The following LAMC3 variants were observed in gnomAD, a reference collection of about 807,000 sequenced individuals.
The protein encoded by LAMC3 is laminin subunit gamma 3.
In LAMC3, 128 loss-of-function variants were observed where a neutral mutation model predicts 173.8. That is an observed-to-expected ratio of 0.74 (90% CI 0.64 to 0.85). The LOEUF is 0.85. Ranked by LOEUF, LAMC3 falls within the 40% of genes least tolerant of loss-of-function variation. The pLI, the probability that LAMC3 is intolerant of heterozygous loss-of-function variation, is 0.00. For synonymous variants in LAMC3, 897 were observed against 909.1 expected (o/e 0.99, Z 0.24); for missense variants, 2,022 against 2,156.0 (o/e 0.94, Z 1.23).
intron 1 of LAMC3, chr9:131,021,159 C>T (rs1240974279): frequency 1.3e-5 from 2 of 152,106 alleles, no homozygotes; most frequent in South Asian, 2.1e-4. Flanking sequence ...ATTCTCTCTC[C>T]GTAGTTTTTC....
intron 9 of LAMC3, 77 bp from the exon 10 acceptor site, chr9:131,052,414 C>G (rs1236937370): frequency 7.7e-7 from 1 of 1,290,874 alleles, no homozygotes; most frequent in African/African-American, 1.5e-5. Flanking sequence ...TGTTTAGTTG[C>G]CGATAAAATC....
At chr9:131,061,565 A>G (rs985414806) in intron 13 of LAMC3, among the ~76,000 whole-genome samples, 1 of 152,210 alleles carries the variant, frequency 6.6e-6, no homozygotes, top group African/African-American at 2.4e-5. Context: ...GAAAACCTCG[A>G]TTAAACTTCT....
rs149053504 is a variant in LAMC3 at position 131,082,199 on chromosome 9, C to G, written c.4030+38C>G. 3.7e-3 allele frequency: 5,423 copies of G among 1,479,220 alleles called. 11 individuals are homozygous for G. The highest frequency in any genetic ancestry group is 4.5e-3 in the Non-Finnish European group (4,771 of 1,067,058). 91.6% of individuals were successfully genotyped at this position (1,479,220 alleles called of 1,614,324 possible). On this transcript the variant is annotated intron_variant, in intron 24 of 27. Transcript: ENST00000361069. The stretch of plus-strand genomic sequence containing the variant: ...AGCTGACCACTAGGCTGTGTAATGA[C>G]GAACGCCCCTGACAGCCACTCACCT...
At chr9:131,022,552 A>ATATT (rs61088633) in intron 1 of LAMC3, among the ~76,000 whole-genome samples, 14,501 of 151,310 alleles carry the variant, frequency 0.096, 792 homozygotes, top group South Asian at 0.21. Context: ...ATTTTAGAAT[A>ATATT]TATTTATTTA....
chr9:131,055,658 C>T (rs1013974610), intron 11 of LAMC3, among the ~76,000 whole-genome samples: 2 of 151,720 alleles, frequency 1.3e-5, no homozygotes, highest in African/African-American at 4.8e-5. Context: ...ATTTCCTGAC[C>T]TTATGATTCG....
chr9:131,058,109 A>C (rs950996726), intron 12 of LAMC3, among the ~76,000 whole-genome samples: 2 of 71,758 alleles, frequency 2.8e-5, no homozygotes, highest in African/African-American at 6.9e-5. Flanking sequence ...ATTTTATTTT[A>C]TGTTTTATTT....
rs1830437904 is a variant in LAMC3, at chr9:131,092,076, T to C, written c.*289T>C. On this transcript the variant is annotated 3_prime_UTR_variant, in exon 28 of 28. Transcript: ENST00000361069. ...AATAACATACACACGTGAGGGTGCA[T>C]GTCTGTGTGTATGACCCACACGTGT... 6.0e-6 allele frequency: 3 copies of C among 497,770 alleles called. No individual in the cohort carries two copies. The highest frequency in any genetic ancestry group is 6.6e-5 in the Admixed American group (2 of 30,406). 30.8% of individuals were successfully genotyped at this position (497,770 alleles called of 1,614,324 possible).
At chr9:131,040,878 A>G (rs1834038764) in intron 6 of LAMC3, among the ~76,000 whole-genome samples, 1 of 152,186 alleles carries the variant, frequency 6.6e-6, no homozygotes, top group Non-Finnish European at 1.5e-5. Context: ...ATCGCGGTAC[A>G]GGGTCTGCGT....
chr9:131,050,567 A>G (rs1834263728), intron 9 of LAMC3, among the ~76,000 whole-genome samples: 1 of 152,118 alleles, frequency 6.6e-6, no homozygotes, highest in African/African-American at 2.4e-5. Flanking sequence ...GGAGTTCAAG[A>G]CCAGCCTGAC....
intron 13 of LAMC3, among the ~76,000 whole-genome samples, chr9:131,065,059 A>AAAG (rs57431746): frequency 0.096 from 12,954 of 135,130 alleles, 1,021 homozygotes; most frequent in South Asian, 0.13. Context: ...AAAAAAAAAA[A>AAAG]GAAAAGGAAA....
chr9:131,032,532 CTG>C lies in LAMC3; in HGVS notation c.809+359_809+360del, dbSNP rs768468532. On this transcript the variant is annotated intron_variant, in intron 3 of 27. Transcript: ENST00000361069. ...GCTCTCTCTCTCTTGCTCTCTCTCG[CTG>C]TCTCTCTCTCTTGCTCTCTCTCGCT... 4.5e-3 allele frequency among the ~76,000 whole-genome samples: 299 copies of C among 66,136 alleles called. 1 individual carries two copies. The highest frequency in any genetic ancestry group is 0.02 in the South Asian group (54 of 2,688). 43.4% of individuals were successfully genotyped at this position (66,136 alleles called of 152,430 possible).
chr9:131,048,047 ATTTTTTTTTT>A (rs59291636), intron 8 of LAMC3, among the ~76,000 whole-genome samples: 6 of 53,392 alleles, frequency 1.1e-4, no homozygotes, highest in African/African-American at 4.5e-4. Flanking sequence ...CACCCAGCTG[ATTTTTTTTTT>A]TTTTTTTTTT....
chr9:131,043,775 C>T (rs7869110), intron 7 of LAMC3, among the ~76,000 whole-genome samples: 123,941 of 152,124 alleles, frequency 0.81, 50,975 homozygotes, highest in African/African-American at 0.92. Flanking sequence ...CAAGAGCTGC[C>T]GATGAATGCT....
At position 131,075,855 on chromosome 9, in the gene LAMC3, C is replaced by T. The variant is rs773360652; in HGVS notation, c.3519C>T (p.Ile1173=). Residue 1173 remains isoleucine (I), a synonymous_variant, in exon 21 of 28, where the codon ATC becomes ATT. Transcript: ENST00000361069. ...GCCACAGAGACACCGCCACCAAGAT[C>T]GCAGCCACTGCTTGGAGGGCCCTGC... ...ARSHRDTATK[I]AATAWRALLA... 64 of 1,612,108 alleles carry T rather than the reference C, an allele frequency of 4.0e-5. No individual in the cohort carries two copies. Among genetic ancestry groups the T allele is most frequent in the Admixed American group, 2.0e-4 (12 of 59,904 alleles).
chr9:131,044,447 TTA>T (rs931243021), intron 7 of LAMC3, among the ~76,000 whole-genome samples: 1 of 151,828 alleles, frequency 6.6e-6, no homozygotes, highest in African/African-American at 2.4e-5. Flanking sequence ...GAGACAGAGG[TTA>T]CAGTGAGCTG....
At chr9:131,072,933 C>A in intron 19 of LAMC3, 98 bp downstream of exon 19, 1 of 1,123,130 alleles carries the variant, frequency 8.9e-7, no homozygotes. Flanking sequence ...TATGACTCCC[C>A]ACTTTGGGAG....
chr9:131,045,669 T>C lies in LAMC3; in HGVS notation c.1519+9T>C. 1.2e-6 allele frequency: 2 copies of C among 1,614,042 alleles called. No homozygotes were observed. Among genetic ancestry groups the C allele is most frequent in the Non-Finnish European group, 1.7e-6 (2 of 1,180,032 alleles). ...CAGCGATTTCCACCAGGGTAAGAGATGCTCCCTGCAAACGCCTCCCAAGGG... is the reference window on the plus strand; with the variant it reads ...CAGCGATTTCCACCAGGGTAAGAGACGCTCCCTGCAAACGCCTCCCAAGGG... On this transcript the variant is annotated intron_variant, in intron 8 of 27. Coordinates refer to ENST00000361069, the MANE Select transcript of LAMC3 (RefSeq NM_006059.4).
intron 6 of LAMC3, among the ~76,000 whole-genome samples, chr9:131,040,836 G>T (rs1249750942): frequency 6.6e-6 from 1 of 152,194 alleles, no homozygotes; most frequent in African/African-American, 2.4e-5. Context: ...CACAGTGCAG[G>T]CACAGCCTCT....
chr9:131,052,720 G>A (rs1207553188), intron 10 of LAMC3, 37 bp downstream of exon 10: 1 of 1,577,834 alleles, frequency 6.3e-7, no homozygotes, highest in Non-Finnish European at 8.7e-7. Context: ...ATGGGGAGGT[G>A]AGAGGGGTGG....
Sources: gnomAD v4.1 joint callset for allele counts (sites outside exome capture counted in the v4.1 genomes callset) on GRCh38, gnomAD v4.1.1 for gene constraint, MANE v1.5 for transcripts, NCBI Gene and HGNC (gene_info 2026-07-23, HGNC 2026-07-21) for gene names.